GAS2: variants seen among roughly 807,000 people sequenced by gnomAD.
The protein encoded by GAS2 is growth arrest-specific protein 2.
Under a neutral mutation model 37.5 loss-of-function variants are expected in GAS2, and 20 were observed. The ratio of observed to expected loss-of-function variants is 0.53; its 90% CI spans 0.37 to 0.77. The LOEUF (loss-of-function observed/expected upper bound fraction) is 0.77. Among genes scored for constraint, GAS2 ranks in the 30% least tolerant of loss-of-function variants. The pLI is 0.00. For missense variants in GAS2, 336 were observed against 373.4 expected (o/e 0.90, Z 0.82); for synonymous variants, 144 against 132.2 (o/e 1.09, Z -0.61).
chr11:22,654,089 T>C (rs1848828951), intron 1 of GAS2, among the ~76,000 whole-genome samples: 2 of 152,234 alleles, frequency 1.3e-5, no homozygotes, highest in South Asian at 2.1e-4. Context: ...GTGGACTAGA[T>C]ATAAACTAAA....
intron 6 of GAS2, among the ~76,000 whole-genome samples, chr11:22,754,219 T>G (rs1853896428): frequency 6.6e-6 from 1 of 152,194 alleles, no homozygotes; most frequent in Admixed American, 6.6e-5. Flanking sequence ...GTGACCTGTA[T>G]AGATTCATGT....
intron 1 of GAS2, among the ~76,000 whole-genome samples, chr11:22,660,123 GA>G (rs1848900261): frequency 6.6e-6 from 1 of 152,092 alleles, no homozygotes; most frequent in African/African-American, 2.4e-5. Context: ...TTTGCTATTG[GA>G]ATGAGCTCCC....
intron 3 of GAS2, among the ~76,000 whole-genome samples, chr11:22,712,831 C>CT (rs1851472625): frequency 6.6e-6 from 1 of 151,964 alleles, no homozygotes; most frequent in Non-Finnish European, 1.5e-5. Context: ...AATTCCAGCA[C>CT]TTTAGGAGGC....
intron 7 of GAS2, among the ~76,000 whole-genome samples, chr11:22,768,531 G>GAGT (rs1465613284): frequency 6.6e-6 from 1 of 152,174 alleles, no homozygotes; most frequent in Non-Finnish European, 1.5e-5. Context: ...CTCTAGGCCA[G>GAGT]AGTACTTGAT....
intron 1 of GAS2, among the ~76,000 whole-genome samples, chr11:22,652,275 C>T (rs191535967): frequency 1.3e-5 from 2 of 152,182 alleles, no homozygotes; most frequent in Admixed American, 6.5e-5. Context: ...GCAGTCTGCC[C>T]GTTCTCAGAT....
intron 2 of GAS2, among the ~76,000 whole-genome samples, chr11:22,677,603 A>G (rs951251918): frequency 1.3e-5 from 2 of 152,178 alleles, no homozygotes; most frequent in Admixed American, 6.5e-5. Context: ...GAGTGTGGTC[A>G]TTTACAAGGC....
chr11:22,653,572 C>G (rs376731670), intron 1 of GAS2, among the ~76,000 whole-genome samples: 7 of 152,214 alleles, frequency 4.6e-5, no homozygotes, highest in Admixed American at 2.6e-4. Context: ...GGGAAATAAT[C>G]CATTTATTCT....
At chr11:22,750,985 T>C (rs1853695743) in intron 6 of GAS2, among the ~76,000 whole-genome samples, 1 of 151,970 alleles carries the variant, frequency 6.6e-6, no homozygotes, top group African/African-American at 2.4e-5. Flanking sequence ...TGAGATTGCT[T>C]CCTGGTATTT....
intron 4 of GAS2, 64 bp from the exon 5 acceptor site, chr11:22,737,641 C>A: frequency 6.8e-7 from 1 of 1,466,540 alleles, no homozygotes. Flanking sequence ...CATTGGCAAG[C>A]CTGTGCTGTT....
chr11:22,788,935 T>A (rs1855955218), intron 7 of GAS2, among the ~76,000 whole-genome samples: 1 of 152,072 alleles, frequency 6.6e-6, no homozygotes, highest in Admixed American at 6.6e-5. Context: ...TATCACAGTG[T>A]CTACCAATTA....
rs1491294585 is a variant in GAS2 at position 22,789,423 on chromosome 11, G to GATAT, written c.724-22374_724-22373insTATA. 9.8e-4 allele frequency among the ~76,000 whole-genome samples: 70 copies of GATAT among 71,162 alleles called. 6 individuals are homozygous for GATAT. The highest frequency in any genetic ancestry group is 5.0e-3 in the Admixed American group (27 of 5,422). The allele number at this position is 71,162 out of a possible 152,430, so 46.7% of individuals were successfully genotyped here. On this transcript the variant is annotated intron_variant, in intron 7 of 7. Transcript: ENST00000454584. ...GTGTGTATGTGTGTGTATCTCATAT[G>GATAT]AGATATATATATATATATATATATA...
At chr11:22,732,468 T>TCA (rs1234217110) in intron 4 of GAS2, among the ~76,000 whole-genome samples, 1 of 151,826 alleles carries the variant, frequency 6.6e-6, no homozygotes, top group Non-Finnish European at 1.5e-5. Flanking sequence ...ATGTGGATAC[T>TCA]CACACACATC....
intron 1 of GAS2, among the ~76,000 whole-genome samples, chr11:22,641,105 AG>A (rs1858904860): frequency 6.7e-6 from 1 of 150,246 alleles, no homozygotes; most frequent in Admixed American, 6.7e-5. Flanking sequence ...GACCAAGGGG[AG>A]GCATTAGCAA....
intron 7 of GAS2, among the ~76,000 whole-genome samples, chr11:22,807,469 T>G (rs1339843678): frequency 6.6e-6 from 1 of 152,232 alleles, no homozygotes; most frequent in South Asian, 2.1e-4. Flanking sequence ...AAAATGTAGC[T>G]ATAAATTGTC....
intron 5 of GAS2, among the ~76,000 whole-genome samples, chr11:22,739,572 C>CAAAAAAAA (rs71037525): frequency 1.7e-3 from 108 of 64,662 alleles, no homozygotes; most frequent in Non-Finnish European, 2.6e-3. Flanking sequence ...GATTCGCTCT[C>CAAAAAAAA]AAAAAAAAAA....
chr11:22,747,222 G>A (rs887185428), intron 5 of GAS2, among the ~76,000 whole-genome samples: 2 of 152,050 alleles, frequency 1.3e-5, no homozygotes, highest in Non-Finnish European at 2.9e-5. Context: ...ACATTCAAAT[G>A]GTAGCTGTTA....
intron 7 of GAS2, among the ~76,000 whole-genome samples, chr11:22,790,260 C>A (rs561918973): frequency 6.6e-6 from 1 of 152,290 alleles, no homozygotes; most frequent in Admixed American, 6.5e-5. Flanking sequence ...TTAGCCTGGA[C>A]CACTGCAATA....
At chr11:22,774,772 AT>A (rs112113466) in intron 7 of GAS2, among the ~76,000 whole-genome samples, 4,724 of 146,494 alleles carry the variant, frequency 0.032, 213 homozygotes, top group African/African-American at 0.11. Flanking sequence ...ACCTATCGTG[AT>A]TTTTTTTTTT....
At chr11:22,657,206 A>T (rs1848865359) in intron 1 of GAS2, among the ~76,000 whole-genome samples, 1 of 152,208 alleles carries the variant, frequency 6.6e-6, no homozygotes. Context: ...CCTGATAGTT[A>T]AAAGGTAGGA....
Sources: allele counts gnomAD v4.1 joint callset (sites outside exome capture counted in the v4.1 genomes callset), GRCh38; gene constraint gnomAD v4.1.1; transcripts MANE v1.5; gene names NCBI Gene and HGNC (gene_info 2026-07-23, HGNC 2026-07-21).